The following DNAJB1 variants were observed in gnomAD, a reference collection of about 807,000 sequenced individuals.
DNAJB1 encodes the protein dnaJ homolog subfamily B member 1.
A neutral mutation model predicts 24.0 loss-of-function variants in DNAJB1; 14 were observed. The ratio of observed to expected loss-of-function variants is 0.58; its 90% CI spans 0.39 to 0.91. The LOEUF is 0.91. Among genes scored for constraint, DNAJB1 ranks in the 40% least tolerant of loss-of-function variants. The probability of loss-of-function intolerance (pLI) is 0.00; values close to 1 mark genes in which losing one functional copy is unlikely to be tolerated. For synonymous variants in DNAJB1, 262 were observed against 174.4 expected, an observed-to-expected ratio of 1.50 and a Z score of -3.96; for missense variants, 517 against 458.1, an observed-to-expected ratio of 1.13 and a Z score of -1.17.
At chr19:14,529,563 G>A (rs565220991), upstream of DNAJB1, 4 of 1,392,914 alleles carry the variant, frequency 2.9e-6, no homozygotes, top group African/African-American at 4.3e-5. Context: ...GGCGCGCGCG[G>A]CCTGGAGGGG....
chr19:14,529,216 A>C, exon 1 of DNAJB1: 1 of 271,318 alleles, frequency 3.7e-6, no homozygotes. Flanking sequence ...CCACCTCAGA[A>C]TTTACCCCTT....
upstream of DNAJB1, among the ~76,000 whole-genome samples, chr19:14,520,124 ACAT>A (rs2072344160): frequency 6.6e-6 from 1 of 152,188 alleles, no homozygotes; most frequent in Non-Finnish European, 1.5e-5. Flanking sequence ...AGTTGTGCCC[ACAT>A]CATGAGGGCT....
chr19:14,543,913 T>G (rs1465898017), intron 1 of DNAJB1, among the ~76,000 whole-genome samples: 1 of 151,364 alleles, frequency 6.6e-6, no homozygotes, highest in African/African-American at 2.4e-5. Context: ...TATTTTTGTA[T>G]TTTTAGTAGA....
chr19:14,553,063 G>T (rs1194859982), upstream of DNAJB1, among the ~76,000 whole-genome samples: 2 of 152,060 alleles, frequency 1.3e-5, no homozygotes, highest in East Asian at 1.9e-4. Context: ...TGAGACCCAG[G>T]TTCTCCAACT....
intron 2 of DNAJB1, among the ~76,000 whole-genome samples, chr19:14,526,117 C>T (rs1483112037): frequency 6.6e-6 from 1 of 152,194 alleles, no homozygotes; most frequent in East Asian, 1.9e-4. Context: ...CGGGTTCCCC[C>T]CAAACCTGAG....
chr19:14,520,176 A>G (rs2146527586), upstream of DNAJB1, among the ~76,000 whole-genome samples: 1 of 152,342 alleles, frequency 6.6e-6, no homozygotes, highest in East Asian at 1.9e-4. Context: ...AAGTGCTCAG[A>G]GCAGGCATGG....
chr19:14,517,255 G>A, intron 1 of DNAJB1: 1 of 570,896 alleles, frequency 1.8e-6, no homozygotes, highest in South Asian at 2.3e-5. Flanking sequence ...CCTGACAGTG[G>A]AAAAGGACTC....
chr19:14,560,121 A>G (rs1044583156), exon 1 of DNAJB1, among the ~76,000 whole-genome samples: 1 of 151,504 alleles, frequency 6.6e-6, no homozygotes, highest in Non-Finnish European at 1.5e-5. Context: ...CTCTCTCGCT[A>G]CCCCCTCCTG....
At position 14,518,396 on chromosome 19, in the gene DNAJB1, C is replaced by G. The variant is rs567078979; in HGVS notation, c.-47G>C. ...GACCCGCTGTCGCCGTCCCCCGGCTCCGCCGCCGACCAGTCCCGGACTCTA... is the reference window on the plus strand; with the variant it reads ...GACCCGCTGTCGCCGTCCCCCGGCTGCGCCGCCGACCAGTCCCGGACTCTA... On this transcript the variant is annotated 5_prime_UTR_variant, in exon 1 of 3. Coordinates refer to ENST00000254322, the MANE Select transcript of DNAJB1 (RefSeq NM_006145.3). 9.9e-6 allele frequency: 15 copies of G among 1,509,186 alleles called. No homozygotes were observed. The highest frequency in any genetic ancestry group is 1.4e-5 in the African/African-American group (1 of 71,324). 93.5% of individuals were successfully genotyped at this position (1,509,186 alleles called of 1,614,324 possible). A position where few individuals can be genotyped will look rare whatever the true frequency, so the allele number is the denominator to read the frequency against.
At chr19:14,548,442 C>G (rs906118007) in intron 1 of DNAJB1, among the ~76,000 whole-genome samples, 1 of 152,196 alleles carries the variant, frequency 6.6e-6, no homozygotes, top group Non-Finnish European at 1.5e-5. Flanking sequence ...CTTAGCTCAG[C>G]ATTCTAGAAT....
chr19:14,517,247 T>G (rs2072285094), intron 1 of DNAJB1: 1 of 584,626 alleles, frequency 1.7e-6, no homozygotes, highest in Non-Finnish European at 3.0e-6. Context: ...CCGCGTAGCC[T>G]GACAGTGGAA....
chr19:14,518,582 C>T (rs947328654), upstream of DNAJB1, among the ~76,000 whole-genome samples: 3 of 152,054 alleles, frequency 2.0e-5, no homozygotes, highest in Non-Finnish European at 4.4e-5. Context: ...GGGGCCACGC[C>T]CCCTCCCGCT....
At chr19:14,529,616 C>T (rs776974226), upstream of DNAJB1, 1 of 1,604,324 alleles carries the variant, frequency 6.2e-7, no homozygotes. Context: ...GCTGCGGTTG[C>T]GAGCGCTGTA....
chr19:14,518,513 G>T (rs981661294), upstream of DNAJB1: 2 of 477,194 alleles, frequency 4.2e-6, no homozygotes, highest in African/African-American at 2.5e-5. Context: ...AATCGCCGCC[G>T]CCCTTTCAGC....
upstream of DNAJB1, among the ~76,000 whole-genome samples, chr19:14,533,681 A>G (rs2072757288): frequency 6.6e-6 from 1 of 150,820 alleles, no homozygotes; most frequent in African/African-American, 2.4e-5. Context: ...TTTCCATAGT[A>G]GCCTCATATC....
chr19:14,536,415 G>A (rs947577048), intron 1 of DNAJB1, among the ~76,000 whole-genome samples: 1 of 151,900 alleles, frequency 6.6e-6, no homozygotes, highest in East Asian at 1.9e-4. Flanking sequence ...GATTACAGGC[G>A]CCCACCACCA....
upstream of DNAJB1, chr19:14,518,478 C>T (rs1032659318): frequency 3.4e-5 from 23 of 683,270 alleles, no homozygotes; most frequent in African/African-American, 4.4e-4. Flanking sequence ...AACCTTCCGC[C>T]CCGCCCGCCC....
At chr19:14,544,239 A>G (rs1451045155) in intron 1 of DNAJB1, among the ~76,000 whole-genome samples, 1 of 151,174 alleles carries the variant, frequency 6.6e-6, no homozygotes, top group Non-Finnish European at 1.5e-5. Context: ...TTGTCACCTC[A>G]TGTTTGAGTT....
chr19:14,533,257 C>CA (rs555235639), upstream of DNAJB1, among the ~76,000 whole-genome samples: 89 of 151,950 alleles, frequency 5.9e-4, no homozygotes, highest in South Asian at 0.018. Flanking sequence ...TCCGTCTCTA[C>CA]AAAAAATAAA....
Sources: allele counts gnomAD v4.1 joint callset (sites outside exome capture counted in the v4.1 genomes callset), GRCh38; gene constraint gnomAD v4.1.1; transcripts MANE v1.5; gene names NCBI Gene and HGNC (gene_info 2026-07-23, HGNC 2026-07-21).